Variants in DHX32 observed in about 807,000 individuals in gnomAD.
DHX32 encodes the protein DEAH-box helicase 32 (putative).
In DHX32, 51 loss-of-function variants were observed where a neutral mutation model predicts 70.0. That is an observed-to-expected ratio of 0.73 (90% confidence interval 0.58 to 0.92). DHX32 has a LOEUF of 0.92. Ranked by LOEUF, DHX32 falls within the 40% of genes least tolerant of loss-of-function variation. DHX32 has a pLI of 0.00. For missense variants in DHX32, 762 were observed against 891.8 expected (o/e 0.85, Z 1.85); for synonymous variants, 310 against 315.3 (o/e 0.98, Z 0.18).
chr10:125,862,975 T>C (rs1013171306), intron 2 of DHX32, among the ~76,000 whole-genome samples: 22 of 151,956 alleles, frequency 1.4e-4, no homozygotes, highest in African/African-American at 4.6e-4. Context: ...AACTAATAAG[T>C]ACGTAAAAAA....
intron 1 of DHX32, 96 bp downstream of exon 1, chr10:125,880,447 G>T: frequency 3.9e-6 from 5 of 1,286,344 alleles, no homozygotes; most frequent in South Asian, 1.7e-5. Context: ...TTTTGTTTTA[G>T]ACACTATTAT....
intron 7 of DHX32, 33 bp from the exon 8 acceptor site, chr10:125,841,029 T>C: frequency 1.3e-6 from 2 of 1,579,850 alleles, no homozygotes; most frequent in Non-Finnish European, 1.7e-6. Flanking sequence ...TGGTTAGCAA[T>C]AATGAAGACA....
At chr10:125,854,334 G>T in intron 3 of DHX32, 131 bp from the exon 4 acceptor site, 1 of 838,100 alleles carries the variant, frequency 1.2e-6, no homozygotes, top group Non-Finnish European at 1.7e-6. Flanking sequence ...CTGTGTTGCT[G>T]CCTACATGTA....
chr10:125,852,612 G>C lies in DHX32; in HGVS notation c.1123C>G (p.Leu375Val). 1.2e-6 allele frequency: 2 copies of C among 1,612,768 alleles called. No homozygotes were observed. The highest frequency in any genetic ancestry group is 4.5e-5 in the East Asian group (2 of 44,876). Residue 375 changes from leucine to valine, a missense_variant, in exon 5 of 11, where the codon CTC (leucine) becomes GTC (valine). Physicochemically the swap from Leu to Val is conservative, Grantham distance 32 (BLOSUM62 1). Coordinates refer to ENST00000284690, the MANE Select transcript of DHX32 (RefSeq NM_018180.3). ...CTCTGGCTGATGGGCTGCATGACGA[G>C]CGAGTTTGCTCTTATTCTCGGGTTG... ...VYNPRIRANS[L>V]VMQPISQSQA...
Position 125,880,698 on chromosome 10 carries a change from A to G in DHX32, c.127T>C (p.Phe43Leu). Reference sequence around the variant, plus strand: ...CGTGATGAATATGGCAATCCATCAAAGGGGTTAAGTTCCAAATCCTCACAG... The same window carrying G: ...CGTGATGAATATGGCAATCCATCAAGGGGGTTAAGTTCCAAATCCTCACAG... Reference protein sequence around the residue: ...LACEDLELNPFDGLPYSSRYY... With the variant: ...LACEDLELNPLDGLPYSSRYY... The change falls in exon 1 of 11, where the codon TTT becomes CTT. Residue 43 changes from phenylalanine to leucine, a missense_variant. Transcript: ENST00000284690. The G allele has an allele frequency of 6.2e-7, 1 of 1,614,196 alleles. No individual in the cohort carries two copies.
intron 1 of DHX32, among the ~76,000 whole-genome samples, chr10:125,888,609 C>T (rs1306879670): frequency 2.0e-5 from 3 of 152,406 alleles, no homozygotes; most frequent in Admixed American, 1.3e-4. Context: ...TTCTACAATA[C>T]AAATCTTTAA....
At chr10:125,884,499 A>C (rs1372922289), upstream of DHX32, among the ~76,000 whole-genome samples, 1 of 152,254 alleles carries the variant, frequency 6.6e-6, no homozygotes, top group African/African-American at 2.4e-5. Flanking sequence ...TGTAGATGGC[A>C]CACTTTGTCA....
chr10:125,838,533 T>C (rs1207726517), intron 9 of DHX32, 146 bp from the exon 10 acceptor site: 11 of 808,918 alleles, frequency 1.4e-5, no homozygotes. Flanking sequence ...CTTTCACATG[T>C]AGAAAATAAG....
At chr10:125,837,243 A>G (rs1854720865) in intron 10 of DHX32, among the ~76,000 whole-genome samples, 1 of 152,190 alleles carries the variant, frequency 6.6e-6, no homozygotes, top group Admixed American at 6.5e-5. Flanking sequence ...GTACCACTCC[A>G]CATCCAGCTG....
chr10:125,849,707 T>C (rs1224075945), intron 6 of DHX32, among the ~76,000 whole-genome samples: 2 of 152,088 alleles, frequency 1.3e-5, no homozygotes, highest in Non-Finnish European at 2.9e-5. Context: ...GCCTGCTTCC[T>C]CCCATTCTCC....
At chr10:125,846,191 C>G (rs547410106) in intron 6 of DHX32, among the ~76,000 whole-genome samples, 2 of 152,322 alleles carry the variant, frequency 1.3e-5, no homozygotes, top group Admixed American at 6.5e-5. Context: ...AGTAACTGTT[C>G]TTACAGCCAG....
upstream of DHX32, among the ~76,000 whole-genome samples, chr10:125,882,401 C>G (rs182861764): frequency 1.3e-5 from 2 of 152,262 alleles, no homozygotes; most frequent in East Asian, 3.9e-4. Context: ...AAGAAAAGCT[C>G]TCTCTCTATT....
chr10:125,883,558 C>T (rs1480164521), upstream of DHX32, among the ~76,000 whole-genome samples: 1 of 152,096 alleles, frequency 6.6e-6, no homozygotes, highest in Non-Finnish European at 1.5e-5. Flanking sequence ...TAAGATGCCC[C>T]AGCCCAGTCG....
At chr10:125,889,571 A>G (rs1944358078) in intron 1 of DHX32, among the ~76,000 whole-genome samples, 1 of 152,274 alleles carries the variant, frequency 6.6e-6, no homozygotes, top group African/African-American at 2.4e-5. Context: ...CTATTTTTAA[A>G]AAGTCAGCTG....
chr10:125,851,848 G>T (rs1335902117), intron 6 of DHX32, among the ~76,000 whole-genome samples: 4 of 148,774 alleles, frequency 2.7e-5, no homozygotes, highest in African/African-American at 9.9e-5. Flanking sequence ...TTGAGCCTGT[G>T]AGGTGGAGGT....
upstream of DHX32, among the ~76,000 whole-genome samples, chr10:125,883,790 A>G (rs1160114677): frequency 6.6e-6 from 1 of 152,228 alleles, no homozygotes; most frequent in African/African-American, 2.4e-5. Flanking sequence ...TCACCATTAC[A>G]TCAGTTGCCA....
Position 125,836,430 on chromosome 10 carries a change from G to T in DHX32, c.*257C>A. 6.9e-7 allele frequency: 1 copy of T among 1,439,176 alleles called. No individual in the cohort carries two copies. Among genetic ancestry groups the T allele is most frequent in the Non-Finnish European group, 9.1e-7 (1 of 1,102,600 alleles). The allele number at this position is 1,439,176 out of a possible 1,614,324, so 89.2% of individuals were successfully genotyped here. A position where few individuals can be genotyped will look rare whatever the true frequency, so the allele number is the denominator to read the frequency against. ...TCTCTGACACATTTACAAAATACCA[G>T]TTTTTTAAAATTTTGGTCAAATTAT... On this transcript the variant is annotated 3_prime_UTR_variant, in exon 11 of 11. Transcript: ENST00000284690.
At chr10:125,873,250 AC>A (rs769289512) in intron 1 of DHX32, among the ~76,000 whole-genome samples, 116 of 152,292 alleles carry the variant, frequency 7.6e-4, no homozygotes, top group Non-Finnish European at 1.2e-3. Flanking sequence ...TGATTGTTTC[AC>A]CTCATCTAAT....
intron 6 of DHX32, among the ~76,000 whole-genome samples, chr10:125,845,311 A>C (rs909560971): frequency 2.0e-5 from 3 of 152,202 alleles, no homozygotes; most frequent in Non-Finnish European, 4.4e-5. Context: ...TTTTGTTATA[A>C]CAATCTTTGG....
Sources: allele counts gnomAD v4.1 joint callset (sites outside exome capture counted in the v4.1 genomes callset), GRCh38; gene constraint gnomAD v4.1.1; transcripts MANE v1.5; gene names NCBI Gene and HGNC (gene_info 2026-07-23, HGNC 2026-07-21).